NPHP3: variants seen among roughly 807,000 people sequenced by gnomAD.
NPHP3 encodes the protein nephrocystin-3.
A neutral mutation model predicts 171.9 loss-of-function variants in NPHP3; 123 were observed. The ratio of observed to expected loss-of-function variants is 0.72; its 90% CI spans 0.62 to 0.83. The LOEUF (loss-of-function observed/expected upper bound fraction) is 0.83, where lower values mean the gene tolerates loss of function less well. NPHP3 is among the 40% of genes least tolerant of loss of function. The probability of loss-of-function intolerance (pLI) is 0.00; values close to 1 mark genes in which losing one functional copy is unlikely to be tolerated. For missense variants in NPHP3, 1,506 were observed against 1,591.9 expected (o/e 0.95, Z 0.92); for synonymous variants, 558 against 579.2 (o/e 0.96, Z 0.52).
In NPHP3 at chr3:132,684,666, T is replaced by G; in HGVS notation, c.3458A>C (p.Lys1153Thr). Reference protein sequence around the residue: ...ALCNEKKQYDKAEELYERALD... With the variant: ...ALCNEKKQYDTAEELYERALD... The stretch of plus-strand genomic sequence containing the variant: ...AGCTCTTTCATAAAGTTCTTCTGCT[T>G]TATCATACTGTTTCTTTTCATTGCA... Residue 1153 changes from lysine (K) to threonine (T), a missense_variant, in exon 24 of 27, where the codon AAA (lysine) becomes ACA (threonine). Lys to Thr is a moderately conservative substitution (Grantham distance 78). Around this residue, in one of 3 missense-constraint regions of NPHP3, gnomAD observed 569 missense variants for 648.1 expected, o/e 0.88. Coordinates refer to ENST00000337331, the MANE Select transcript of NPHP3 (RefSeq NM_153240.5). 6.2e-7 allele frequency: 1 copy of G among 1,614,110 alleles called. No homozygotes were observed. Among genetic ancestry groups the G allele is most frequent in the Non-Finnish European group, 8.5e-7 (1 of 1,180,002 alleles).
At chr3:132,699,860 T>C in intron 12 of NPHP3, 58 bp downstream of exon 12, 1 of 1,546,702 alleles carries the variant, frequency 6.5e-7, no homozygotes, top group East Asian at 2.2e-5. Context: ...GCTCTAGCTA[T>C]TACTGAATTT....
At chr3:132,683,986 A>G (rs1939095487) in intron 24 of NPHP3, among the ~76,000 whole-genome samples, 1 of 152,218 alleles carries the variant, frequency 6.6e-6, no homozygotes, top group Non-Finnish European at 1.5e-5. Context: ...GTCTAAAGAC[A>G]GTCTACAAAG....
In NPHP3 at chr3:132,695,097, A is replaced by C. The variant is rs10804612; in HGVS notation, c.2172-132T>G. 0.33 allele frequency: 270,347 copies of C among 824,134 alleles called. 53,182 individuals carry two copies. The highest frequency in any genetic ancestry group is 0.76 in the East Asian group (29,933 of 39,566). The allele number at this position is 824,134 out of a possible 1,614,324, so 51.1% of individuals were successfully genotyped here. A position where few individuals can be genotyped will look rare whatever the true frequency, so the allele number is the denominator to read the frequency against. ...ATAACAAATTCAATAAAACATGATA[A>C]AGGAAAGTGGTAGTTTTATGGGGCT... is the stretch of plus-strand genomic sequence containing the variant. On this transcript the variant is annotated intron_variant, in intron 15 of 26. Transcript: ENST00000337331.
chr3:132,689,291 T>A lies in NPHP3; in HGVS notation c.2694-28A>T, dbSNP rs1164499001. 1.9e-6 allele frequency: 3 copies of A among 1,606,852 alleles called. No homozygotes were observed. In the East Asian group the frequency reaches 6.7e-5, roughly 36 times the overall value. ...GTTTCAACAAATAACAGTACTTTAA[T>A]GAAAAACACACTTTAAAATCCATTA... On this transcript the variant is annotated intron_variant, in intron 19 of 26. Transcript: ENST00000337331.
chr3:132,683,239 C>A (rs1293180533), intron 25 of NPHP3, among the ~76,000 whole-genome samples, 160 bp downstream of exon 25: 1 of 152,186 alleles, frequency 6.6e-6, no homozygotes, highest in Non-Finnish European at 1.5e-5. Flanking sequence ...GACCTTCATA[C>A]AAGTCTAACT....
chr3:132,692,602 A>G, intron 17 of NPHP3, 52 bp downstream of exon 17: 1 of 1,511,282 alleles, frequency 6.6e-7, no homozygotes, highest in Non-Finnish European at 9.2e-7. Flanking sequence ...GGTGACAGAG[A>G]AGACCCTGTT....
intron 6 of NPHP3, among the ~76,000 whole-genome samples, chr3:132,712,052 G>A (rs1018985697): frequency 1.3e-5 from 2 of 152,154 alleles, no homozygotes. Context: ...AGTAAATCTA[G>A]AAAGAAAAAT....
intron 11 of NPHP3, 31 bp from the exon 12 acceptor site, chr3:132,700,092 T>G (rs1230453525): frequency 6.2e-7 from 1 of 1,608,398 alleles, no homozygotes; most frequent in Non-Finnish European, 8.5e-7. Flanking sequence ...CAAACTGAAG[T>G]AGTTACACGT....
At position 132,688,709 on chromosome 3, in the gene NPHP3, G is replaced by A; in HGVS notation, c.3066C>T (p.Asp1022=). ...CAAGTTCACGAGCAGTATATGGATG[G>A]TCCGCACCATAAGCATTTTCTGAGA... The part of the protein sequence containing the change: ...LEISENAYGA[D]HPYTARELEA... Residue 1022 remains aspartate (D), a synonymous_variant, in exon 21 of 27, where the codon GAC becomes GAT. Transcript: ENST00000337331. 6.2e-7 allele frequency: 1 copy of A among 1,614,078 alleles called. No individual in the cohort carries two copies. Among genetic ancestry groups the A allele is most frequent in the Non-Finnish European group, 8.5e-7 (1 of 1,179,966 alleles).
At position 132,719,849 on chromosome 3, in the gene NPHP3, T is replaced by C; in HGVS notation, c.394-19A>G. ...GAAGTGCCTAGAATAATTTACCTTG[T>C]TATTTCCTAACAAAAATAGTCTTGC... is the stretch of plus-strand genomic sequence containing the variant. On this transcript the variant is annotated intron_variant, in intron 1 of 26. Transcript: ENST00000337331. 1 of 1,545,902 alleles carries C rather than the reference T, an allele frequency of 6.5e-7. No homozygotes were observed. The highest frequency in any genetic ancestry group is 1.2e-5 in the South Asian group (1 of 82,814).
chr3:132,697,981 TCTA>T (rs1413285817), intron 13 of NPHP3, among the ~76,000 whole-genome samples: 2 of 151,738 alleles, frequency 1.3e-5, no homozygotes, highest in Non-Finnish European at 1.5e-5. Context: ...ATCCAATTGC[TCTA>T]CTTTTTTTTT....
In NPHP3 at chr3:132,682,792, T is replaced by G; in HGVS notation, c.3723A>C (p.Leu1241Phe). 3.1e-6 allele frequency: 5 copies of G among 1,611,584 alleles called. No homozygotes were observed. The highest frequency in any genetic ancestry group is 4.2e-6 in the Non-Finnish European group (5 of 1,177,708). ...QMKKHVEALP[L>F]YERALKIYED... ...CATAAATCTTTAATGCTCTTTCATA[T>G]AATGGCAAAGCTTCAACGTGTTTTT... The change falls in exon 26 of 27, where the codon TTA (leucine) becomes TTC (phenylalanine). Residue 1241 changes from leucine (L) to phenylalanine (F), a missense_variant. This residue lies in a region of NPHP3 where 569 missense variants were observed against 648.1 expected (regional missense o/e 0.88). Transcript: ENST00000337331.
chr3:132,705,444 T>C (rs539975574), intron 8 of NPHP3, among the ~76,000 whole-genome samples: 1 of 152,302 alleles, frequency 6.6e-6, no homozygotes, highest in Non-Finnish European at 1.5e-5. Flanking sequence ...CCCTATTGAA[T>C]AAAATGAACA....
intron 5 of NPHP3, 41 bp downstream of exon 5, chr3:132,715,044 T>C (rs1940012958): frequency 3.3e-6 from 5 of 1,511,918 alleles, no homozygotes; most frequent in Non-Finnish European, 4.6e-6. Context: ...TATTAACTTA[T>C]ATTTTAAATT....
At chr3:132,715,909 C>T (rs1940038064) in intron 4 of NPHP3, among the ~76,000 whole-genome samples, 1 of 152,206 alleles carries the variant, frequency 6.6e-6, no homozygotes, top group South Asian at 2.1e-4. Flanking sequence ...CACTTCCCCT[C>T]ACATACCAAA....
At position 132,722,010 on chromosome 3, in the gene NPHP3, C is replaced by T. The variant is rs1188632308; in HGVS notation, c.346G>A (p.Glu116Lys). The T allele has an allele frequency of 6.2e-6, 10 of 1,613,112 alleles. No individual in the cohort carries two copies. The highest frequency in any genetic ancestry group is 8.5e-6 in the Non-Finnish European group (10 of 1,179,922). Residue 116 changes from glutamate to lysine, a missense_variant, in exon 1 of 27, where the codon GAG (glutamate) becomes AAG (lysine). By Grantham distance (56) the Glu-to-Lys change is moderately conservative. Coordinates refer to ENST00000337331, the MANE Select transcript of NPHP3 (RefSeq NM_153240.5). ...TTGTTCTCCGTGTCCAGCTTGGCCT[C>T]GCGGCGGCCCATGGACAACAACTCC... The part of the protein sequence containing the change: ...NQELLSMGRR[E>K]AKLDTENKRL...
rs886058002 is a variant in NPHP3, at chr3:132,686,375, G to A, written c.3214C>T (p.Leu1072Phe). ...AACTGTAAAGCCCGTCTACGTAAAA[G>A]GGCAAATCCGTACTGCAGCAAACAT... ...KKKGNLYGFA[L>F]LRRRALQLEE... The change falls in exon 23 of 27, where the codon CTT becomes TTT. Residue 1072 changes from leucine (L) to phenylalanine (F), a missense_variant. This residue lies in a region of NPHP3 where 569 missense variants were observed against 648.1 expected (regional missense o/e 0.88). Transcript: ENST00000337331. 3 of 1,614,032 alleles carry A rather than the reference G, an allele frequency of 1.9e-6. No individual in the cohort carries two copies. Among genetic ancestry groups the A allele is most frequent in the Non-Finnish European group, 2.5e-6 (3 of 1,179,962 alleles).
At chr3:132,718,693 C>T (rs1197825196) in intron 3 of NPHP3, among the ~76,000 whole-genome samples, 1 of 152,148 alleles carries the variant, frequency 6.6e-6, no homozygotes, top group Non-Finnish European at 1.5e-5. Flanking sequence ...TTTCCCTTGG[C>T]TAAAATGCAG....
At chr3:132,720,395 C>T (rs1940175074) in intron 1 of NPHP3, among the ~76,000 whole-genome samples, 1 of 152,312 alleles carries the variant, frequency 6.6e-6, no homozygotes, top group South Asian at 2.1e-4. Context: ...GTGACACTTG[C>T]CAACCCTTAT....
Sources: allele counts gnomAD v4.1 joint callset (sites outside exome capture counted in the v4.1 genomes callset), GRCh38; gene constraint gnomAD v4.1.1; regional missense constraint gnomAD v4.1.1; transcripts MANE v1.5; gene names NCBI Gene and HGNC (gene_info 2026-07-23, HGNC 2026-07-21).